SUGCT: variants seen among roughly 807,000 people sequenced by gnomAD.
SUGCT encodes succinyl-CoA:glutarate CoA-transferase.
A neutral mutation model predicts 55.0 loss-of-function variants in SUGCT; 41 were observed. The observed-to-expected ratio is 0.74, with a 90% CI of 0.58 to 0.97. The LOEUF is 0.97. Among genes scored for constraint, SUGCT ranks in the 50% least tolerant of loss-of-function variants. SUGCT has a pLI of 0.00. For missense variants in SUGCT, 568 were observed against 547.8 expected, an observed-to-expected ratio of 1.04 and a Z score of -0.37; for synonymous variants, 187 against 200.4, an observed-to-expected ratio of 0.93 and a Z score of 0.56.
At chr7:40,884,628 C>T in the SUGCT span, among the ~76,000 whole-genome samples, 1 of 152,136 alleles carries the variant, frequency 6.6e-6, no homozygotes, top group East Asian at 1.9e-4. Context: ...TCACAATGAC[C>T]TGCTGAGAAG....
At chr7:40,230,576 A>G (rs938105954) in intron 6 of SUGCT, among the ~76,000 whole-genome samples, 1 of 152,188 alleles carries the variant, frequency 6.6e-6, no homozygotes, top group African/African-American at 2.4e-5. Context: ...CAGGTCAAAT[A>G]ATTAGGAATT....
At chr7:40,480,165 T>C (rs890008347) in intron 11 of SUGCT, among the ~76,000 whole-genome samples, 1 of 152,146 alleles carries the variant, frequency 6.6e-6, no homozygotes, top group Non-Finnish European at 1.5e-5. Context: ...TATGTTTTAG[T>C]CTTTAATCCA....
intron 13 of SUGCT, among the ~76,000 whole-genome samples, chr7:40,772,494 ATATCTATC>A (rs70990644): frequency 0.28 from 27,467 of 98,820 alleles, 4,061 homozygotes; most frequent in Non-Finnish European, 0.29. Context: ...TTCTTTTGAA[ATATCTATC>A]TATCTATCTA....
At chr7:40,470,564 T>A (rs1212723842) in intron 11 of SUGCT, among the ~76,000 whole-genome samples, 2 of 152,168 alleles carry the variant, frequency 1.3e-5, no homozygotes, top group African/African-American at 2.4e-5. Flanking sequence ...GGTACCTACC[T>A]TAGTTCTAGT....
intron 13 of SUGCT, among the ~76,000 whole-genome samples, chr7:40,822,134 T>C (rs1286281147): frequency 1.3e-5 from 2 of 152,202 alleles, no homozygotes; most frequent in African/African-American, 4.8e-5. Flanking sequence ...AGAGACAGTT[T>C]GTTATAATTT....
At chr7:40,207,379 C>A (rs1411451733) in intron 6 of SUGCT, among the ~76,000 whole-genome samples, 1 of 152,004 alleles carries the variant, frequency 6.6e-6, no homozygotes, top group East Asian at 1.9e-4. Context: ...CCATCTCGCC[C>A]CCATTAAGAT....
chr7:40,210,701 G>A (rs756613044), intron 6 of SUGCT, among the ~76,000 whole-genome samples: 16 of 152,118 alleles, frequency 1.1e-4, no homozygotes, highest in Admixed American at 2.0e-4. Flanking sequence ...CCCTGCTACT[G>A]TGTCGTTCCC....
chr7:40,499,862 A>C (rs953445722), intron 12 of SUGCT, among the ~76,000 whole-genome samples: 2 of 152,226 alleles, frequency 1.3e-5, no homozygotes, highest in Admixed American at 6.5e-5. Context: ...TCAAAAACTT[A>C]CTAGATGACC....
At chr7:40,873,739 T>G in the SUGCT span, among the ~76,000 whole-genome samples, 1 of 152,222 alleles carries the variant, frequency 6.6e-6, no homozygotes, top group Non-Finnish European at 1.5e-5. Flanking sequence ...TTTGTGTTTG[T>G]TAAGCTTTGG....
the SUGCT span, chr7:40,965,284 T>G: frequency 1.3e-5 from 2 of 152,244 alleles, no homozygotes; most frequent in Non-Finnish European, 2.9e-5. Flanking sequence ...TCCCCTCTTT[T>G]GCTTTGACTG....
intron 9 of SUGCT, among the ~76,000 whole-genome samples, chr7:40,357,978 C>T (rs1206229016): frequency 6.6e-6 from 1 of 152,140 alleles, no homozygotes; most frequent in Non-Finnish European, 1.5e-5. Context: ...AAAATAGGTC[C>T]TGCTTTAAGA....
intron 12 of SUGCT, among the ~76,000 whole-genome samples, chr7:40,606,811 C>A (rs1479249344): frequency 6.6e-6 from 1 of 152,100 alleles, no homozygotes; most frequent in African/African-American, 2.4e-5. Context: ...TGAACTTGAT[C>A]TATTTAAGTT....
At chr7:40,904,157 G>A in the SUGCT span, among the ~76,000 whole-genome samples, 1 of 152,222 alleles carries the variant, frequency 6.6e-6, no homozygotes, top group South Asian at 2.1e-4. Context: ...CAGTTAAGTA[G>A]CAGCGAGTAC....
intron 12 of SUGCT, among the ~76,000 whole-genome samples, chr7:40,583,734 G>C (rs1797224463): frequency 6.6e-6 from 1 of 152,100 alleles, no homozygotes; most frequent in Non-Finnish European, 1.5e-5. Flanking sequence ...AGCAAGTCCT[G>C]AGCCCATCTA....
chr7:40,381,912 AG>A (rs1453432711), intron 9 of SUGCT, among the ~76,000 whole-genome samples: 1 of 151,970 alleles, frequency 6.6e-6, no homozygotes, highest in Non-Finnish European at 1.5e-5. Context: ...CAATTATTTC[AG>A]GTGGAGTTGA....
At chr7:40,816,685 C>T (rs1326253851) in intron 13 of SUGCT, among the ~76,000 whole-genome samples, 1 of 152,164 alleles carries the variant, frequency 6.6e-6, no homozygotes, top group African/African-American at 2.4e-5. Context: ...CTGAGGCAAA[C>T]TAAAAGCCTC....
intron 12 of SUGCT, among the ~76,000 whole-genome samples, chr7:40,614,370 T>C (rs1798899502): frequency 6.6e-6 from 1 of 152,220 alleles, no homozygotes; most frequent in South Asian, 2.1e-4. Context: ...GTAAGCAGGC[T>C]TCTTTTCTGC....
At chr7:40,329,422 A>G (rs1307749837) in intron 9 of SUGCT, among the ~76,000 whole-genome samples, 1 of 152,192 alleles carries the variant, frequency 6.6e-6, no homozygotes, top group Non-Finnish European at 1.5e-5. Flanking sequence ...CCAGACAGGA[A>G]ATGGTACGTG....
chr7:40,955,655 A>T, the SUGCT span, among the ~76,000 whole-genome samples: 1 of 152,162 alleles, frequency 6.6e-6, no homozygotes, highest in Non-Finnish European at 1.5e-5. Flanking sequence ...CCCTGGCCAG[A>T]ATTTCAAATA....
Sources: gnomAD v4.1 joint callset for allele counts (sites outside exome capture counted in the v4.1 genomes callset) on GRCh38, gnomAD v4.1.1 for gene constraint, MANE v1.5 for transcripts, NCBI Gene and HGNC (gene_info 2026-07-23, HGNC 2026-07-21) for gene names.